The following VPS39 variants were observed in gnomAD, a reference collection of about 807,000 sequenced individuals.
The protein encoded by VPS39 is VPS39 subunit of HOPS complex.
A neutral mutation model predicts 121.0 loss-of-function variants in VPS39; 70 were observed. The observed-to-expected ratio is 0.58, with a 90% CI of 0.48 to 0.71. The LOEUF is 0.71. Ranked by LOEUF, VPS39 falls within the 30% of genes least tolerant of loss-of-function variation. The probability of loss-of-function intolerance (pLI) is 0.00; values close to 1 mark genes in which losing one functional copy is unlikely to be tolerated. For missense variants in VPS39, 818 were observed against 1,051.5 expected, an observed-to-expected ratio of 0.78 and a Z score of 3.07; for synonymous variants, 378 against 398.1, an observed-to-expected ratio of 0.95 and a Z score of 0.60.
intron 1 of VPS39, among the ~76,000 whole-genome samples, chr15:42,202,060 CAG>C (rs766103328): frequency 1.3e-5 from 2 of 152,180 alleles, no homozygotes; most frequent in Non-Finnish European, 2.9e-5. Context: ...TGGCAAGCAG[CAG>C]AGTTGGGATC....
chr15:42,201,065 T>A (rs907289485), intron 1 of VPS39, among the ~76,000 whole-genome samples: 1 of 152,200 alleles, frequency 6.6e-6, no homozygotes, highest in South Asian at 2.1e-4. Flanking sequence ...AAGTAAATAC[T>A]AATGGGTACT....
chr15:42,165,201 G>C (rs1423770275), intron 17 of VPS39, 88 bp from the exon 18 acceptor site: 8 of 1,249,654 alleles, frequency 6.4e-6, no homozygotes, highest in Non-Finnish European at 9.4e-6. Context: ...AGGCCCAACA[G>C]GTCCCATCCA....
chr15:42,196,248 G>A (rs1348990076), intron 2 of VPS39, among the ~76,000 whole-genome samples: 1 of 151,904 alleles, frequency 6.6e-6, no homozygotes, highest in African/African-American at 2.4e-5. Flanking sequence ...TACCATTCAG[G>A]ACACAGGCAT....
At chr15:42,163,580 C>G (rs1279621699) in intron 20 of VPS39, 46 bp downstream of exon 20, 7 of 1,571,778 alleles carry the variant, frequency 4.5e-6, no homozygotes, top group Non-Finnish European at 6.1e-6. Context: ...CTCTGCAGGG[C>G]CTGCTTTTAG....
chr15:42,167,775 A>C (rs893602616), intron 12 of VPS39, among the ~76,000 whole-genome samples: 9 of 152,170 alleles, frequency 5.9e-5, no homozygotes, highest in African/African-American at 2.2e-4. Flanking sequence ...AACCTAAAAC[A>C]AGTGCCGATA....
intron 2 of VPS39, among the ~76,000 whole-genome samples, chr15:42,192,398 G>GGAGC (rs2065689785): frequency 6.6e-6 from 1 of 152,186 alleles, no homozygotes; most frequent in Admixed American, 6.5e-5. Context: ...AGCCAGTGAG[G>GGAGC]GAGCCTACAA....
intron 2 of VPS39, among the ~76,000 whole-genome samples, chr15:42,193,346 A>G (rs900594403): frequency 7.9e-5 from 12 of 152,256 alleles, no homozygotes; most frequent in South Asian, 2.1e-4. Flanking sequence ...TGGTTGAAGT[A>G]TATGACAAAA....
chr15:42,172,247 C>G (rs955083659), intron 11 of VPS39, among the ~76,000 whole-genome samples: 1 of 152,146 alleles, frequency 6.6e-6, no homozygotes, highest in Non-Finnish European at 1.5e-5. Flanking sequence ...CGGAAAGAGC[C>G]AGCTGTTATG....
chr15:42,161,919 A>T, intron 23 of VPS39, 113 bp downstream of exon 23: 5 of 1,588,818 alleles, frequency 3.1e-6, no homozygotes, highest in Non-Finnish European at 4.3e-6. Context: ...TGGCTACTGG[A>T]TCAGCTTGAG....
intron 1 of VPS39, among the ~76,000 whole-genome samples, chr15:42,201,207 A>T (rs966479287): frequency 6.6e-6 from 1 of 151,812 alleles, no homozygotes; most frequent in Non-Finnish European, 1.5e-5. Flanking sequence ...ATAGGGTTCT[A>T]CTCTGTTGCC....
chr15:42,203,467 C>G (rs1181460572), intron 1 of VPS39, among the ~76,000 whole-genome samples: 4 of 132,436 alleles, frequency 3.0e-5, no homozygotes, highest in Admixed American at 7.7e-5. Flanking sequence ...GGGCAGGACT[C>G]TGTCTCAAAA....
Position 42,162,134 on chromosome 15 carries a change from G to T in VPS39, c.2358C>A (p.Ile786=). 2 of 1,614,186 alleles carry T rather than the reference G, an allele frequency of 1.2e-6. No individual in the cohort carries two copies. Among genetic ancestry groups the T allele is most frequent in the Admixed American group, 1.7e-5 (1 of 60,014 alleles). The change falls in exon 23 of 25, where the codon ATC becomes ATA. Residue 786 remains isoleucine (I), a synonymous_variant. Coordinates refer to ENST00000318006, the MANE Select transcript of VPS39 (RefSeq NM_015289.5). ...TTTCCAGGAAGATGCGTATGTCATT[G>T]ATCTGAGTGTTTGCTGGCAGAAGGT... ...ALNLLPANTQ[I]NDIRIFLEKV...
At chr15:42,201,023 G>A (rs1446959688) in intron 1 of VPS39, among the ~76,000 whole-genome samples, 1 of 152,184 alleles carries the variant, frequency 6.6e-6, no homozygotes, top group African/African-American at 2.4e-5. Context: ...ATTAGCGGTT[G>A]CCCAGGGCTG....
chr15:42,207,191 T>C (rs980626992), intron 1 of VPS39, among the ~76,000 whole-genome samples: 1 of 152,200 alleles, frequency 6.6e-6, no homozygotes, highest in African/African-American at 2.4e-5. Flanking sequence ...ATAAGGCCCA[T>C]CATGGTTACC....
At chr15:42,164,665 G>C in intron 18 of VPS39, 179 bp from the exon 19 acceptor site, 2 of 1,435,334 alleles carry the variant, frequency 1.4e-6, no homozygotes. Context: ...CAAAACATCA[G>C]CTTACGGTTA....
chr15:42,184,430 G>T, intron 8 of VPS39, 87 bp downstream of exon 8: 1 of 1,409,070 alleles, frequency 7.1e-7, no homozygotes. Context: ...AAACCAGTCT[G>T]CTAAAGCTAC....
At chr15:42,178,699 G>A in intron 8 of VPS39, 129 bp from the exon 9 acceptor site, 1 of 1,342,814 alleles carries the variant, frequency 7.4e-7, no homozygotes. Flanking sequence ...TATCAAGCCA[G>A]GATCTTACAC....
chr15:42,178,838 C>G (rs142668773), intron 8 of VPS39: 1 of 371,998 alleles, frequency 2.7e-6, no homozygotes, highest in Non-Finnish European at 4.9e-6. Context: ...ACTGCCTCAA[C>G]AAAAACATTT....
Position 42,199,918 on chromosome 15 carries a change from G to C in VPS39, c.117C>G (p.Leu39=). ...LVGTKQGHLL[L]YRIRKDVGCN... is the part of the protein sequence containing the mutation. ...TACCAACGTCCTTCCGAATCCTATA[G>C]AGAAGAAGATGTCCTTGTTTGGTTC... The change falls in exon 2 of 25, where the codon CTC becomes CTG. Residue 39 remains leucine, a synonymous_variant. Transcript: ENST00000318006. 6.3e-7 allele frequency: 1 copy of C among 1,594,444 alleles called. No individual in the cohort carries two copies. Among genetic ancestry groups the C allele is most frequent in the Non-Finnish European group, 8.5e-7 (1 of 1,173,964 alleles).
Sources: allele counts gnomAD v4.1 joint callset (sites outside exome capture counted in the v4.1 genomes callset), GRCh38; gene constraint gnomAD v4.1.1; transcripts MANE v1.5; gene names NCBI Gene and HGNC (gene_info 2026-07-23, HGNC 2026-07-21).